ITPR2: variants seen among roughly 807,000 people sequenced by gnomAD.
The protein encoded by ITPR2 is inositol 1,4,5-trisphosphate receptor type 2, also known as inositol 1,4,5-trisphosphate-gated calcium channel ITPR2.
In ITPR2, 207 loss-of-function variants were observed where a neutral mutation model predicts 317.1. The observed-to-expected ratio is 0.65, with a 90% confidence interval of 0.58 to 0.73. ITPR2 has a LOEUF of 0.73. Ranked by LOEUF, ITPR2 falls within the 30% of genes least tolerant of loss-of-function variation. ITPR2 has a pLI of 0.00. For synonymous variants in ITPR2, 1,156 were observed against 1,149.1 expected, an observed-to-expected ratio of 1.01 and a Z score of -0.12; for missense variants, 2,613 against 3,284.0, an observed-to-expected ratio of 0.80 and a Z score of 4.99.
intron 32 of ITPR2, among the ~76,000 whole-genome samples, chr12:26,589,811 A>G (rs1366479349): frequency 5.9e-5 from 2 of 34,172 alleles, no homozygotes; most frequent in Non-Finnish European, 1.8e-4. Flanking sequence ...ATAAATAAAA[A>G]ATAAATAAAT....
intron 28 of ITPR2, among the ~76,000 whole-genome samples, chr12:26,601,264 A>T (rs951736760): frequency 6.2e-4 from 95 of 152,276 alleles, no homozygotes; most frequent in African/African-American, 2.2e-3. Flanking sequence ...AAATTTCTAC[A>T]TGCACCCATA....
chr12:26,764,528 T>C (rs1949687320), intron 2 of ITPR2, among the ~76,000 whole-genome samples: 1 of 151,684 alleles, frequency 6.6e-6, no homozygotes, highest in Non-Finnish European at 1.5e-5. Flanking sequence ...AACAAGAAAA[T>C]AAACAACCTA....
At chr12:26,421,971 T>C (rs2136691003) in intron 49 of ITPR2, among the ~76,000 whole-genome samples, 1 of 151,880 alleles carries the variant, frequency 6.6e-6, no homozygotes, top group Non-Finnish European at 1.5e-5. Context: ...TCCAAATGAT[T>C]TACCAATAGG....
At chr12:26,355,940 C>A (rs1487063645) in intron 55 of ITPR2, among the ~76,000 whole-genome samples, 1 of 152,166 alleles carries the variant, frequency 6.6e-6, no homozygotes, top group African/African-American at 2.4e-5. Context: ...ACTAAACTTT[C>A]CCATTAGCAT....
At chr12:26,398,831 A>C (rs1940084118) in intron 54 of ITPR2, 45 bp downstream of exon 54, 3 of 1,516,414 alleles carry the variant, frequency 2.0e-6, no homozygotes, top group African/African-American at 1.4e-5. Context: ...TCTTTCCTGC[A>C]AACAGTCTAT....
intron 52 of ITPR2, among the ~76,000 whole-genome samples, chr12:26,408,256 A>G (rs1940421579): frequency 6.6e-6 from 1 of 152,216 alleles, no homozygotes; most frequent in African/African-American, 2.4e-5. Context: ...TAACTATGTG[A>G]AAAAATGAAT....
intron 35 of ITPR2, among the ~76,000 whole-genome samples, chr12:26,560,075 CTAAA>C (rs1382614983): frequency 1.3e-5 from 2 of 152,164 alleles, no homozygotes; most frequent in African/African-American, 2.4e-5. Flanking sequence ...AGAATTTTCA[CTAAA>C]TAAATACTTA....
intron 28 of ITPR2, among the ~76,000 whole-genome samples, chr12:26,601,472 A>G (rs943268629): frequency 6.6e-6 from 1 of 152,186 alleles, no homozygotes; most frequent in African/African-American, 2.4e-5. Context: ...GGAACATTTT[A>G]TTGTGCCAGA....
intron 2 of ITPR2, among the ~76,000 whole-genome samples, chr12:26,733,890 A>C (rs1241864627): frequency 6.6e-6 from 1 of 152,234 alleles, no homozygotes; most frequent in African/African-American, 2.4e-5. Context: ...AGAAATCAAA[A>C]TGCAAGCCTC....
intron 37 of ITPR2, among the ~76,000 whole-genome samples, chr12:26,499,353 T>C (rs1449000840): frequency 1.3e-5 from 2 of 152,190 alleles, no homozygotes; most frequent in South Asian, 2.1e-4. Context: ...CAGACTGCCA[T>C]AGAAAAGGCA....
chr12:26,689,548 C>A (rs1053629876), intron 10 of ITPR2, among the ~76,000 whole-genome samples: 25 of 152,204 alleles, frequency 1.6e-4, no homozygotes, highest in African/African-American at 6.0e-4. Flanking sequence ...CATTGATCTA[C>A]ATCATGTACC....
chr12:26,451,152 C>T (rs78200304), intron 45 of ITPR2, among the ~76,000 whole-genome samples: 1 of 152,034 alleles, frequency 6.6e-6, no homozygotes, highest in Non-Finnish European at 1.5e-5. Flanking sequence ...AAAGAGAAAG[C>T]CTTAAAGAAA....
chr12:26,811,377 G>A (rs1204164808), intron 1 of ITPR2, among the ~76,000 whole-genome samples: 1 of 151,978 alleles, frequency 6.6e-6, no homozygotes, highest in African/African-American at 2.4e-5. Context: ...TTGGGAGGCT[G>A]AGGCAGGCGG....
At chr12:26,415,882 CTTCTGGAATATGT>C (rs1413439510) in intron 50 of ITPR2, among the ~76,000 whole-genome samples, 1 of 152,180 alleles carries the variant, frequency 6.6e-6, no homozygotes, top group South Asian at 2.1e-4. Flanking sequence ...TCTGCAGTTA[CTTCTGGAATATGT>C]AAAATGGCTT....
At chr12:26,486,488 A>G (rs1218978852) in intron 40 of ITPR2, 128 bp from the exon 41 acceptor site, 1 of 810,658 alleles carries the variant, frequency 1.2e-6, no homozygotes, top group Non-Finnish European at 1.9e-6. Context: ...AAGGTGCAAC[A>G]ATTTCCAAAA....
intron 21 of ITPR2, among the ~76,000 whole-genome samples, chr12:26,649,867 G>A (rs1206997661): frequency 6.6e-6 from 1 of 152,126 alleles, no homozygotes; most frequent in African/African-American, 2.4e-5. Flanking sequence ...TCCTATTATA[G>A]ATAGATAGAC....
At chr12:26,454,738 G>A (rs1591799269) in intron 45 of ITPR2, among the ~76,000 whole-genome samples, 1 of 151,984 alleles carries the variant, frequency 6.6e-6, no homozygotes. Flanking sequence ...TAATTGCTGC[G>A]GGGGTGGGGG....
chr12:26,789,452 A>G (rs941147986), intron 2 of ITPR2, among the ~76,000 whole-genome samples: 30 of 152,154 alleles, frequency 2.0e-4, no homozygotes, highest in Non-Finnish European at 3.5e-4. Flanking sequence ...TTTCACCATT[A>G]TGAGAATGAA....
chr12:26,763,750 G>A (rs559893686), intron 2 of ITPR2, among the ~76,000 whole-genome samples: 1 of 152,176 alleles, frequency 6.6e-6, no homozygotes, highest in Admixed American at 6.5e-5. Flanking sequence ...AAGAAGTGAA[G>A]GGACTTATAT....
Sources: gnomAD v4.1 joint callset for allele counts (sites outside exome capture counted in the v4.1 genomes callset) on GRCh38, gnomAD v4.1.1 for gene constraint, MANE v1.5 for transcripts, NCBI Gene and HGNC (gene_info 2026-07-23, HGNC 2026-07-21) for gene names.